CCSER1: variants seen among roughly 807,000 people sequenced by gnomAD.
CCSER1 encodes coiled-coil serine rich protein 1, also known as serine-rich coiled-coil domain-containing protein 1.
CCSER1 carries 41 observed loss-of-function variants against 82.0 expected under a neutral mutation model. The ratio of observed to expected loss-of-function variants is 0.50; its 90% CI spans 0.39 to 0.65. The LOEUF (loss-of-function observed/expected upper bound fraction) is 0.65. CCSER1 is among the 30% of genes least tolerant of loss of function. The probability of loss-of-function intolerance (pLI) is 0.00; values close to 1 mark genes in which losing one functional copy is unlikely to be tolerated. For synonymous variants in CCSER1, 414 were observed against 383.9 expected (o/e 1.08, Z -0.92); for missense variants, 1,119 against 1,064.2 (o/e 1.05, Z -0.72).
At chr4:90,162,883 G>A (rs200924582) in intron 1 of CCSER1, among the ~76,000 whole-genome samples, 4 of 152,104 alleles carry the variant, frequency 2.6e-5, no homozygotes, top group Admixed American at 1.3e-4. Context: ...ACTTAGATAA[G>A]CGTGTTAATA....
At chr4:90,935,319 C>T (rs1399437490) in intron 9 of CCSER1, among the ~76,000 whole-genome samples, 1 of 152,012 alleles carries the variant, frequency 6.6e-6, no homozygotes, top group African/African-American at 2.4e-5. Context: ...AGAGCAGTCA[C>T]CTCCCTGCTG....
chr4:90,233,643 AAAAC>A (rs1560846468), intron 1 of CCSER1, among the ~76,000 whole-genome samples: 1 of 151,714 alleles, frequency 6.6e-6, no homozygotes, highest in East Asian at 1.9e-4. Context: ...TTAAAAAAAA[AAAAC>A]AAAACAAACT....
chr4:91,190,855 T>C (rs1251453098), intron 10 of CCSER1, among the ~76,000 whole-genome samples: 2 of 152,188 alleles, frequency 1.3e-5, no homozygotes, highest in Non-Finnish European at 2.9e-5. Context: ...AAAAGGAATC[T>C]TGGAATTAGG....
intron 7 of CCSER1, among the ~76,000 whole-genome samples, chr4:90,782,677 C>CTTTTTTT (rs1561127476): frequency 1.0e-5 from 1 of 95,286 alleles, no homozygotes; most frequent in African/African-American, 4.7e-5. Context: ...TCTTTCTTTT[C>CTTTTTTT]TTTCTTTCTT....
intron 6 of CCSER1, among the ~76,000 whole-genome samples, chr4:90,662,820 A>T (rs913289549): frequency 1.3e-5 from 2 of 152,168 alleles, no homozygotes; most frequent in African/African-American, 4.8e-5. Context: ...CAAGTCATAC[A>T]TTAAAGTGGG....
chr4:91,541,646 G>C (rs1373380151), intron 10 of CCSER1, among the ~76,000 whole-genome samples: 1 of 152,146 alleles, frequency 6.6e-6, no homozygotes, highest in Non-Finnish European at 1.5e-5. Context: ...ATTTGAGTTG[G>C]TTCCAAATCT....
chr4:91,364,233 G>C (rs1380037306), intron 10 of CCSER1, among the ~76,000 whole-genome samples: 1 of 151,916 alleles, frequency 6.6e-6, no homozygotes, highest in Non-Finnish European at 1.5e-5. Context: ...CTTGTCTTCA[G>C]TTCAAAATGC....
At chr4:91,110,188 T>C (rs1725975441) in intron 10 of CCSER1, among the ~76,000 whole-genome samples, 1 of 151,856 alleles carries the variant, frequency 6.6e-6, no homozygotes, top group Non-Finnish European at 1.5e-5. Flanking sequence ...TCTAGAAAAA[T>C]GGAATTTAAA....
intron 10 of CCSER1, among the ~76,000 whole-genome samples, chr4:91,296,870 A>T (rs937427576): frequency 1.4e-4 from 21 of 151,678 alleles, no homozygotes; most frequent in African/African-American, 4.6e-4. Flanking sequence ...CATCTTTTTT[A>T]CTTAGCACAG....
intron 7 of CCSER1, among the ~76,000 whole-genome samples, chr4:90,813,953 C>T (rs1196606991): frequency 6.6e-6 from 1 of 152,204 alleles, no homozygotes; most frequent in African/African-American, 2.4e-5. Context: ...CCCTTCTGCA[C>T]TGCCCTAGCA....
intron 6 of CCSER1, among the ~76,000 whole-genome samples, chr4:90,639,270 T>C (rs955090307): frequency 1.3e-5 from 2 of 151,670 alleles, no homozygotes; most frequent in African/African-American, 2.4e-5. Flanking sequence ...TATCAATCAA[T>C]ATTGAATCAA....
intron 8 of CCSER1, among the ~76,000 whole-genome samples, chr4:90,828,805 T>C (rs1378811221): frequency 6.6e-5 from 10 of 152,184 alleles, no homozygotes; most frequent in Admixed American, 6.5e-4. Flanking sequence ...TTTGAAGGAA[T>C]GAATAAAATT....
intron 1 of CCSER1, among the ~76,000 whole-genome samples, chr4:90,181,050 G>A (rs1327844218): frequency 6.6e-6 from 1 of 152,046 alleles, no homozygotes; most frequent in East Asian, 1.9e-4. Flanking sequence ...CAAATGAGCT[G>A]ATACATTCAA....
chr4:91,450,106 T>C (rs983372264), intron 10 of CCSER1, among the ~76,000 whole-genome samples: 1 of 52,520 alleles, frequency 1.9e-5, no homozygotes, highest in African/African-American at 1.0e-4. Flanking sequence ...AGCCTCACAA[T>C]GGCTGGAGAT....
At chr4:90,788,838 T>C (rs1283551992) in intron 7 of CCSER1, among the ~76,000 whole-genome samples, 2 of 152,168 alleles carry the variant, frequency 1.3e-5, no homozygotes, top group Admixed American at 6.5e-5. Context: ...GATTAGTTTA[T>C]TTCCTTGGTT....
At chr4:91,506,369 T>C (rs1759485951) in intron 10 of CCSER1, among the ~76,000 whole-genome samples, 1 of 152,142 alleles carries the variant, frequency 6.6e-6, no homozygotes, top group Non-Finnish European at 1.5e-5. Context: ...GGTAGCATGA[T>C]GACTCCAGCT....
At chr4:90,841,582 A>G (rs1451786389) in intron 8 of CCSER1, among the ~76,000 whole-genome samples, 3 of 151,088 alleles carry the variant, frequency 2.0e-5, no homozygotes, top group Non-Finnish European at 4.4e-5. Flanking sequence ...TGTCTCAAAA[A>G]AAAAAAAAAA....
intron 10 of CCSER1, among the ~76,000 whole-genome samples, chr4:91,595,009 T>C (rs1764496582): frequency 6.6e-6 from 1 of 151,838 alleles, no homozygotes; most frequent in African/African-American, 2.4e-5. Flanking sequence ...TGGCAACTGA[T>C]AGCTCTCAAG....
At chr4:90,160,298 G>A (rs1347756474) in intron 1 of CCSER1, among the ~76,000 whole-genome samples, 2 of 152,180 alleles carry the variant, frequency 1.3e-5, no homozygotes, top group African/African-American at 4.8e-5. Context: ...TGATGATTTA[G>A]ATGTCACACT....
Sources: gnomAD v4.1 joint callset for allele counts (sites outside exome capture counted in the v4.1 genomes callset) on GRCh38, gnomAD v4.1.1 for gene constraint, MANE v1.5 for transcripts, NCBI Gene and HGNC (gene_info 2026-07-23, HGNC 2026-07-21) for gene names.